Variants in RPRD2 observed in about 807,000 individuals in gnomAD.
RPRD2 encodes regulation of nuclear pre-mRNA domain-containing protein 2.
A neutral mutation model predicts 104.4 loss-of-function variants in RPRD2; 12 were observed. That is an observed-to-expected ratio of 0.11 (90% CI 0.07 to 0.19). The LOEUF (loss-of-function observed/expected upper bound fraction) is 0.19, where lower values mean the gene tolerates loss of function less well. Ranked by LOEUF, RPRD2 falls within the 10% of genes least tolerant of loss-of-function variation. The probability of loss-of-function intolerance (pLI) is 1.00; values close to 1 mark genes in which losing one functional copy is unlikely to be tolerated. For missense variants in RPRD2, 1,543 were observed against 1,790.1 expected (o/e 0.86, Z 2.49); for synonymous variants, 714 against 684.9 (o/e 1.04, Z -0.66).
intron 1 of RPRD2, among the ~76,000 whole-genome samples, chr1:150,376,251 C>T (rs1180018371): frequency 6.6e-6 from 1 of 152,108 alleles, no homozygotes; most frequent in Non-Finnish European, 1.5e-5. Context: ...ATCTCTCTTT[C>T]TTCACTTCTT....
rs782637167 is a variant in RPRD2 at position 150,364,754 on chromosome 1, T to C, written c.40T>C (p.Ser14Pro). The change falls in exon 1 of 11, where the codon TCC (serine) becomes CCC (proline). Residue 14 changes from serine to proline, a missense_variant. Ser to Pro is a moderately conservative substitution (Grantham distance 74). Transcript: ENST00000369068. The part of the protein sequence containing the change: ...GGGGGSSKAS[S>P]SSASSAGALE... ...CGGCGGAGGCAGCAGTAAGGCCTCCTCCTCGTCGGCCTCTTCGGCAGGGGC... is the reference window on the plus strand; with the variant it reads ...CGGCGGAGGCAGCAGTAAGGCCTCCCCCTCGTCGGCCTCTTCGGCAGGGGC... The C allele has an allele frequency of 1.9e-6, 3 of 1,600,148 alleles. No individual in the cohort carries two copies. The highest frequency in any genetic ancestry group is 2.6e-6 in the Non-Finnish European group (3 of 1,173,182).
intron 2 of RPRD2, among the ~76,000 whole-genome samples, chr1:150,435,943 G>A (rs1289247246): frequency 6.6e-6 from 1 of 152,138 alleles, no homozygotes; most frequent in Non-Finnish European, 1.5e-5. Flanking sequence ...CAGCTGTCTG[G>A]CAACTTTGAG....
At chr1:150,396,194 G>A (rs1662505976) in intron 1 of RPRD2, among the ~76,000 whole-genome samples, 1 of 139,092 alleles carries the variant, frequency 7.2e-6, no homozygotes, top group African/African-American at 2.8e-5. Context: ...GGGATCGTCT[G>A]TGTGTTTTTT....
At chr1:150,458,039 A>T (rs1425686460) in intron 8 of RPRD2, among the ~76,000 whole-genome samples, 3 of 152,180 alleles carry the variant, frequency 2.0e-5, no homozygotes, top group African/African-American at 7.2e-5. Context: ...ACTGCACTCC[A>T]GTCTGGGAGA....
chr1:150,449,227 A>G (rs1666996571), intron 7 of RPRD2, among the ~76,000 whole-genome samples: 1 of 152,242 alleles, frequency 6.6e-6, no homozygotes, highest in South Asian at 2.1e-4. Context: ...AAATGTATAC[A>G]TTTAATACAG....
chr1:150,420,386 A>G (rs1023904402), intron 2 of RPRD2, among the ~76,000 whole-genome samples: 5 of 152,332 alleles, frequency 3.3e-5, no homozygotes, highest in Non-Finnish European at 7.3e-5. Context: ...GCCCCCAAGA[A>G]TGTTTTAACT....
In RPRD2 at chr1:150,471,645, T is replaced by C. The variant is rs772085391; in HGVS notation, c.2697T>C (p.Ser899=). The C allele has an allele frequency of 2.0e-5, 33 of 1,613,796 alleles. 1 individual carries two copies. The highest frequency in any genetic ancestry group is 2.8e-5 in the Non-Finnish European group (33 of 1,179,878). The change falls in exon 11 of 11, where the codon TCT becomes TCC. Residue 899 remains serine, a synonymous_variant. Coordinates refer to ENST00000369068, the MANE Select transcript of RPRD2 (RefSeq NM_015203.5). The surrounding 1 kb of genome is among the most constrained non-coding windows in gnomAD (Gnocchi z 5.3). ...FPPSVRALLD[S]SENCDRLSSS... ...CATCTGTAAGGGCCCTCCTGGACTC[T>C]AGTGAGAACTGTGACCGTCTCTCAT... is the stretch of plus-strand genomic sequence containing the variant.
intron 1 of RPRD2, among the ~76,000 whole-genome samples, chr1:150,388,581 G>A (rs76383302): frequency 0.014 from 2,037 of 148,942 alleles, 43 homozygotes; most frequent in African/African-American, 0.048. Context: ...AGTATGTTAC[G>A]TTTATTAAAA....
chr1:150,397,983 A>G (rs1273615829), intron 1 of RPRD2, among the ~76,000 whole-genome samples: 1 of 146,882 alleles, frequency 6.8e-6, no homozygotes, highest in Non-Finnish European at 1.5e-5. Flanking sequence ...CAGCATCTTT[A>G]ATTGTATTTA....
intron 2 of RPRD2, among the ~76,000 whole-genome samples, chr1:150,435,737 T>G (rs1560200388): frequency 6.6e-6 from 1 of 152,224 alleles, no homozygotes; most frequent in Non-Finnish European, 1.5e-5. Context: ...AAGCAGCAAG[T>G]GCTGATGTAG....
At chr1:150,445,985 G>A (rs1042864670) in intron 6 of RPRD2, among the ~76,000 whole-genome samples, 3 of 150,040 alleles carry the variant, frequency 2.0e-5, no homozygotes, top group Non-Finnish European at 3.0e-5. Context: ...GGAGAGTGGC[G>A]TGAACCCGGG....
chr1:150,407,754 G>GA lies in RPRD2; in HGVS notation c.206-9836dup, dbSNP rs1349217560. ...TTTAAAGAGAAGATGTAGATTCTTT[G>GA]AAAAAAGATGTTGTTTTCTTCTATT... On this transcript the variant is annotated intron_variant, in intron 1 of 10. Transcript: ENST00000369068. Among the ~76,000 whole-genome samples, 3 of 152,038 alleles carry GA rather than the reference G, an allele frequency of 2.0e-5. No individual in the cohort carries two copies. In the East Asian group the frequency reaches 5.8e-4, roughly 29 times the overall value.
intron 1 of RPRD2, among the ~76,000 whole-genome samples, chr1:150,383,319 T>A (rs1553881158): frequency 6.7e-6 from 1 of 149,370 alleles, no homozygotes; most frequent in African/African-American, 2.5e-5. Context: ...TTTTTTTTTT[T>A]TTTTTTTGGT....
At chr1:150,418,195 C>A (rs587711727) in intron 2 of RPRD2, among the ~76,000 whole-genome samples, 6 of 152,222 alleles carry the variant, frequency 3.9e-5, no homozygotes, top group African/African-American at 1.4e-4. Flanking sequence ...TCTTAATCTC[C>A]TGACCTCATG....
intron 9 of RPRD2, among the ~76,000 whole-genome samples, chr1:150,461,776 C>T (rs1013018150): frequency 3.3e-5 from 5 of 151,320 alleles, no homozygotes; most frequent in Admixed American, 6.6e-5. Context: ...GTCAAGAGAT[C>T]GAGACCATCC....
At chr1:150,467,152 G>A (rs1668334292) in intron 10 of RPRD2, among the ~76,000 whole-genome samples, 1 of 152,176 alleles carries the variant, frequency 6.6e-6, no homozygotes, top group Admixed American at 6.5e-5. Context: ...TTCCTAAACT[G>A]TTATGTAAGT....
At chr1:150,395,577 A>G (rs999537355) in intron 1 of RPRD2, among the ~76,000 whole-genome samples, 5 of 144,642 alleles carry the variant, frequency 3.5e-5, no homozygotes, top group Admixed American at 1.5e-4. Context: ...CAGTGGCACC[A>G]TCTTGGCTCA....
chr1:150,411,415 C>T (rs1481547222), intron 1 of RPRD2, among the ~76,000 whole-genome samples: 2 of 137,776 alleles, frequency 1.5e-5, no homozygotes, highest in South Asian at 2.2e-4. Flanking sequence ...GAGCCGAGAT[C>T]GCGCCACTGC....
chr1:150,397,487 T>TGAACC (rs1191182301), intron 1 of RPRD2, among the ~76,000 whole-genome samples: 4 of 152,198 alleles, frequency 2.6e-5, no homozygotes, highest in Non-Finnish European at 5.9e-5. Flanking sequence ...CCATTTTTAT[T>TGAACC]GAACCCCTTT....
Sources: gnomAD v4.1 joint callset for allele counts (sites outside exome capture counted in the v4.1 genomes callset) on GRCh38, gnomAD v4.1.1 for gene constraint, Gnocchi (gnomAD v3.1) non-coding constraint, MANE v1.5 for transcripts, NCBI Gene and HGNC (gene_info 2026-07-23, HGNC 2026-07-21) for gene names.